Variants in PERP observed in about 807,000 individuals in gnomAD.
PERP encodes p53 apoptosis effector related to PMP-22.
In PERP, 11 loss-of-function variants were observed where a neutral mutation model predicts 20.3. The ratio of observed to expected loss-of-function variants is 0.54; its 90% CI spans 0.34 to 0.90. The LOEUF (loss-of-function observed/expected upper bound fraction) is 0.90. Among genes scored for constraint, PERP ranks in the 40% least tolerant of loss-of-function variants. The pLI is 0.02. For missense variants in PERP, 224 were observed against 249.4 expected (o/e 0.90, Z 0.69); for synonymous variants, 101 against 102.0 (o/e 0.99, Z 0.06).
At chr6:138,101,880 T>C (rs896520899) in intron 1 of PERP, among the ~76,000 whole-genome samples, 11 of 152,220 alleles carry the variant, frequency 7.2e-5, no homozygotes, top group Non-Finnish European at 1.0e-4. Context: ...TTAAAAGTGC[T>C]TACCTCCTCC....
intron 1 of PERP, among the ~76,000 whole-genome samples, chr6:138,104,787 G>A (rs1345822845): frequency 3.9e-5 from 6 of 152,216 alleles, no homozygotes; most frequent in Non-Finnish European, 8.8e-5. Flanking sequence ...CTGTGTGTTT[G>A]TGCATACGTG....
intron 1 of PERP, among the ~76,000 whole-genome samples, chr6:138,096,972 T>G (rs1054019626): frequency 6.6e-6 from 1 of 152,196 alleles, no homozygotes; most frequent in Admixed American, 6.5e-5. Flanking sequence ...AAATAATCAT[T>G]GAAAAAATAT....
chr6:138,106,564 C>A lies in PERP; in HGVS notation c.214+563G>T, dbSNP rs146827666. 3.5e-3 allele frequency among the ~76,000 whole-genome samples: 529 copies of A among 152,298 alleles called. 2 individuals are homozygous for A. Among genetic ancestry groups the A allele is most frequent in the African/African-American group, 0.012 (507 of 41,560 alleles). On this transcript the variant is annotated intron_variant, in intron 1 of 2. Coordinates refer to ENST00000421351, the MANE Select transcript of PERP (RefSeq NM_022121.5). ...TTAAACCAAAGGACACGCCCTAGAA[C>A]AAGAGCTAACAAGAACTAGCCTGAC...
At position 138,099,470 on chromosome 6, in the gene PERP, ATATAT is replaced by A. The variant is rs1471525261; in HGVS notation, c.215-2981_215-2977del. On this transcript the variant is annotated intron_variant, in intron 1 of 2. Coordinates refer to ENST00000421351, the MANE Select transcript of PERP (RefSeq NM_022121.5). ...AACTGCAATGAAAGGAAACATATCT[ATATAT>A]GCATGTAAAAGAACGCAAACATAAT... Among the ~76,000 whole-genome samples, 8 of 152,354 alleles carry A rather than the reference ATATAT, an allele frequency of 5.3e-5. No individual in the cohort carries two copies. In the East Asian group the frequency reaches 1.3e-3, roughly 26 times the overall value.
chr6:138,098,579 C>A (rs1775731836), intron 1 of PERP, among the ~76,000 whole-genome samples: 1 of 152,298 alleles, frequency 6.6e-6, no homozygotes, highest in South Asian at 2.1e-4. Context: ...AGGTTCTGCA[C>A]CATCCCTTAA....
In PERP at chr6:138,096,456, A is replaced by C; in HGVS notation, c.253T>G (p.Phe85Val). 1 of 1,613,886 alleles carries C rather than the reference A, an allele frequency of 6.2e-7. No individual in the cohort carries two copies. Residue 85 changes from phenylalanine (F) to valine (V), a missense_variant, in exon 2 of 3, where the codon TTC becomes GTC. Physicochemically the swap from Phe to Val is conservative, Grantham distance 50. Transcript: ENST00000421351. ...RAAAAMLFCG[F>V]IILVICFILS... ...ATGAAACAGATCACCAGGATGATGA[A>C]GCCACAGAAGAGCATGGCAGCCGCT...
chr6:138,092,182 T>C lies in PERP; in HGVS notation c.442A>G (p.Ile148Val). 3 of 1,614,056 alleles carry C rather than the reference T, an allele frequency of 1.9e-6. No individual in the cohort carries two copies. Among genetic ancestry groups the C allele is most frequent in the Non-Finnish European group, 1.7e-6 (2 of 1,179,988 alleles). The change falls in exon 3 of 3, where the codon ATC (isoleucine) becomes GTC (valine). Residue 148 changes from isoleucine to valine, a missense_variant. Transcript: ENST00000421351. Reference protein sequence around the residue: ...TLHANPAVTYIYNWAYGFGWA... With the variant: ...TLHANPAVTYVYNWAYGFGWA... ...CCAAAGCCGTAGGCCCAGTTATAGA[T>C]GTAAGTGACAGCAGGGTTGGCATGA...
At chr6:138,099,765 G>A (rs910928231) in intron 1 of PERP, among the ~76,000 whole-genome samples, 1 of 152,146 alleles carries the variant, frequency 6.6e-6, no homozygotes, top group African/African-American at 2.4e-5. Flanking sequence ...TCAAGTGCTT[G>A]GAAGGAATTA....
chr6:138,103,431 C>T (rs1337442508), intron 1 of PERP, among the ~76,000 whole-genome samples: 4 of 152,058 alleles, frequency 2.6e-5, no homozygotes, highest in African/African-American at 9.7e-5. Context: ...GGATTATAGG[C>T]GTGAGCCACC....
At chr6:138,098,685 C>T (rs761319859) in intron 1 of PERP, among the ~76,000 whole-genome samples, 2 of 152,210 alleles carry the variant, frequency 1.3e-5, no homozygotes, top group Non-Finnish European at 2.9e-5. Context: ...AACTCCCATG[C>T]ACCTTCCAGG....
chr6:138,098,323 C>T (rs1775727028), intron 1 of PERP, among the ~76,000 whole-genome samples: 1 of 152,188 alleles, frequency 6.6e-6, no homozygotes, highest in Non-Finnish European at 1.5e-5. Flanking sequence ...AAAGATGGGG[C>T]TGGCAGAAAG....
At position 138,096,474 on chromosome 6, in the gene PERP, C is replaced by A; in HGVS notation, c.235G>T (p.Ala79Ser). ...ATGATGAAGCCACAGAAGAGCATGGCAGCCGCTGCTCTACCCCACGCTGCA... is the reference window on the plus strand; with the variant it reads ...ATGATGAAGCCACAGAAGAGCATGGAAGCCGCTGCTCTACCCCACGCTGCA... ...MEYAWGRAAA[A>S]MLFCGFIILV... Residue 79 changes from alanine (A) to serine (S), a missense_variant, in exon 2 of 3, where the codon GCC becomes TCC. Coordinates refer to ENST00000421351, the MANE Select transcript of PERP (RefSeq NM_022121.5). The A allele has an allele frequency of 6.2e-7, 1 of 1,613,586 alleles. No individual in the cohort carries two copies. The highest frequency in any genetic ancestry group is 8.5e-7 in the Non-Finnish European group (1 of 1,179,736).
rs779525424 is a variant in PERP, at chr6:138,107,385, C to A, written c.-45G>T. On this transcript the variant is annotated 5_prime_UTR_variant, in exon 1 of 3. Transcript: ENST00000421351. The surrounding 1 kb of genome is among the most constrained non-coding windows in gnomAD (Gnocchi z 4.8). ...CCGAGCGGAGCGGAGCGGAGCGGGT[C>A]GGAGGAGCGCGCGGGACGGGCGACA... The A allele has an allele frequency of 2.8e-6, 4 of 1,421,126 alleles. No homozygotes were observed. The South Asian group carries it at 4.5e-5, about 16-fold the overall frequency. 88.0% of individuals were successfully genotyped at this position (1,421,126 alleles called of 1,614,324 possible).
chr6:138,100,431 C>A (rs1775753366), intron 1 of PERP, among the ~76,000 whole-genome samples: 1 of 152,180 alleles, frequency 6.6e-6, no homozygotes. Flanking sequence ...TGTCCTAAAG[C>A]TACATCTTTC....
rs1405405146 is a variant in PERP at position 138,090,628 on chromosome 6, T to C, written c.*1414A>G. On this transcript the variant is annotated 3_prime_UTR_variant, in exon 3 of 3. Transcript: ENST00000421351. ...AATTCATTAATCTCCACTCAAAAAT[T>C]GGTTTTGGACACCTAAAATGAGCAA... is the stretch of plus-strand genomic sequence containing the variant. 3.9e-5 allele frequency: 6 copies of C among 152,458 alleles called. No individual in the cohort carries two copies. The highest frequency in any genetic ancestry group is 2.9e-5 in the Non-Finnish European group (2 of 68,014). 9.4% of individuals were successfully genotyped at this position (152,458 alleles called of 1,614,324 possible). A position where few individuals can be genotyped will look rare whatever the true frequency, so the allele number is the denominator to read the frequency against.
intron 1 of PERP, among the ~76,000 whole-genome samples, chr6:138,101,377 A>T (rs1271270587): frequency 6.6e-6 from 1 of 152,258 alleles, no homozygotes; most frequent in Admixed American, 6.5e-5. Flanking sequence ...CTCAAAAAAA[A>T]GTCAAGCTAG....
chr6:138,106,041 C>T (rs765220788), intron 1 of PERP, among the ~76,000 whole-genome samples: 21 of 152,136 alleles, frequency 1.4e-4, no homozygotes, highest in Non-Finnish European at 2.2e-4. Flanking sequence ...TATAGTCCCC[C>T]GGAAACACAA....
chr6:138,100,645 C>T (rs901253985), intron 1 of PERP, among the ~76,000 whole-genome samples: 1 of 151,932 alleles, frequency 6.6e-6, no homozygotes, highest in Non-Finnish European at 1.5e-5. Flanking sequence ...ACCACAAAAG[C>T]ATTCAGTACT....
intron 2 of PERP, among the ~76,000 whole-genome samples, chr6:138,094,188 G>A (rs945528121): frequency 4.6e-5 from 7 of 152,208 alleles, no homozygotes; most frequent in African/African-American, 1.4e-4. Flanking sequence ...GTACAATTCA[G>A]TGGTATTAAA....
Sources: gnomAD v4.1 joint callset for allele counts (sites outside exome capture counted in the v4.1 genomes callset) on GRCh38, gnomAD v4.1.1 for gene constraint, Gnocchi (gnomAD v3.1) non-coding constraint, MANE v1.5 for transcripts, NCBI Gene and HGNC (gene_info 2026-07-23, HGNC 2026-07-21) for gene names.